NCOA3: variants seen among roughly 807,000 people sequenced by gnomAD.
The protein encoded by NCOA3 is CBP-interacting protein.
NCOA3 carries 51 observed loss-of-function variants against 158.8 expected under a neutral mutation model. The ratio of observed to expected loss-of-function variants is 0.32; its 90% CI spans 0.26 to 0.41. The LOEUF (loss-of-function observed/expected upper bound fraction) is 0.41, where lower values mean the gene tolerates loss of function less well. NCOA3 is among the 10% of genes least tolerant of loss of function. The pLI, the probability that NCOA3 is intolerant of heterozygous loss-of-function variation, is 1.00. For synonymous variants in NCOA3, 537 were observed against 592.4 expected, an observed-to-expected ratio of 0.91 and a Z score of 1.36; for missense variants, 1,510 against 1,746.6, an observed-to-expected ratio of 0.86 and a Z score of 2.41.
chr20:47,575,129 T>G (rs2085352436), intron 1 of NCOA3, among the ~76,000 whole-genome samples: 1 of 152,172 alleles, frequency 6.6e-6, no homozygotes, highest in Admixed American at 6.5e-5. Context: ...CTAGTTTGCC[T>G]GCAGCTGCAG....
intron 16 of NCOA3, among the ~76,000 whole-genome samples, chr20:47,640,813 G>A (rs1167340939): frequency 9.2e-5 from 14 of 151,844 alleles, no homozygotes; most frequent in Non-Finnish European, 2.1e-4. Flanking sequence ...GCGTGAACCC[G>A]GGTGGCGGAG....
At chr20:47,563,038 G>T (rs544893091) in intron 1 of NCOA3, among the ~76,000 whole-genome samples, 2 of 152,264 alleles carry the variant, frequency 1.3e-5, no homozygotes, top group Admixed American at 6.5e-5. Context: ...GAGCCAACAC[G>T]CCTGGCTAAA....
rs2083937323 is a variant in NCOA3, at chr20:47,501,895, C to G, written c.-223C>G. 2.5e-6 allele frequency: 1 copy of G among 399,004 alleles called. No individual in the cohort carries two copies. The highest frequency in any genetic ancestry group is 4.4e-5 in the Admixed American group (1 of 22,690). 24.7% of individuals were successfully genotyped at this position (399,004 alleles called of 1,614,324 possible). On this transcript the variant is annotated 5_prime_UTR_variant, in exon 1 of 23. Transcript: ENST00000371998. ...CCCCGTGCGGCGACTTTAGCTGCTGCTGTCTCAGCCGCTCCACAGCGACGG... is the reference window on the plus strand; with the variant it reads ...CCCCGTGCGGCGACTTTAGCTGCTGGTGTCTCAGCCGCTCCACAGCGACGG...
At position 47,653,643 on chromosome 20, in the gene NCOA3, C is replaced by T; in HGVS notation, c.*226C>T. 1 of 539,530 alleles carries T rather than the reference C, an allele frequency of 1.9e-6. No homozygotes were observed. The highest frequency in any genetic ancestry group is 3.3e-6 in the Non-Finnish European group (1 of 305,672). 33.4% of individuals were successfully genotyped at this position (539,530 alleles called of 1,614,324 possible). ...TCCTTCTGCTGTGTATCATGGTGTTCAAAACAGAAATGTTTTTTGGCATTC... is the reference window on the plus strand; with the variant it reads ...TCCTTCTGCTGTGTATCATGGTGTTTAAAACAGAAATGTTTTTTGGCATTC... On this transcript the variant is annotated 3_prime_UTR_variant, in exon 23 of 23. Transcript: ENST00000371998.
chr20:47,505,344 G>A (rs935094267), intron 1 of NCOA3, among the ~76,000 whole-genome samples: 14 of 152,036 alleles, frequency 9.2e-5, no homozygotes, highest in Admixed American at 2.6e-4. Flanking sequence ...ACAGGTGTGA[G>A]CCATCACGCC....
intron 1 of NCOA3, among the ~76,000 whole-genome samples, chr20:47,515,472 C>CTTTTTTTTTTTTTTT (rs111350575): frequency 9.2e-5 from 12 of 130,046 alleles, no homozygotes; most frequent in African/African-American, 1.4e-4. Flanking sequence ...TTCTTTCTTT[C>CTTTTTTTTTTTTTTT]TTTTTTTTTT....
chr20:47,511,404 T>C (rs2084125343), intron 1 of NCOA3, among the ~76,000 whole-genome samples: 1 of 124,422 alleles, frequency 8.0e-6, no homozygotes, highest in African/African-American at 2.8e-5. Flanking sequence ...TCCACCACCA[T>C]GCCTAATTTT....
chr20:47,511,550 T>TACACACACACACATACAC (rs1556556370), intron 1 of NCOA3, among the ~76,000 whole-genome samples: 1 of 52,270 alleles, frequency 1.9e-5, no homozygotes, highest in African/African-American at 5.4e-5. Context: ...TATATATATA[T>TACACACACACACATACAC]ATATATTTCT....
Position 47,544,079 on chromosome 20 carries a change from C to G in NCOA3, c.-98-39104C>G, listed in dbSNP as rs531424691. Among the ~76,000 whole-genome samples the G allele has an allele frequency of 2.4e-4, 36 of 152,186 alleles. No homozygotes were observed. In the South Asian group the frequency reaches 7.1e-3, roughly 30 times the overall value. On this transcript the variant is annotated intron_variant, in intron 1 of 22. Coordinates refer to ENST00000371998, the MANE Select transcript of NCOA3 (RefSeq NM_181659.3). ...TCCCCCAATTTAATAACTTGCATAG[C>G]CATGTTATAGTGATCAAAACTAAGG...
intron 1 of NCOA3, among the ~76,000 whole-genome samples, chr20:47,530,134 T>C (rs576579375): frequency 7.2e-5 from 11 of 152,246 alleles, no homozygotes; most frequent in Non-Finnish European, 1.0e-4. Flanking sequence ...ATTGTATGTT[T>C]GTTTCATCTC....
intron 1 of NCOA3, among the ~76,000 whole-genome samples, chr20:47,551,446 A>C (rs2084925799): frequency 1.3e-5 from 2 of 152,178 alleles, no homozygotes; most frequent in Admixed American, 6.5e-5. Flanking sequence ...CAACCAACTT[A>C]ATTTATGTCT....
At chr20:47,569,664 C>T (rs117191014) in intron 1 of NCOA3, among the ~76,000 whole-genome samples, 10,335 of 151,838 alleles carry the variant, frequency 0.068, 455 homozygotes, top group Non-Finnish European at 0.097. Flanking sequence ...GCCTGGGTGA[C>T]GGAGAGACCC....
chr20:47,541,766 T>G (rs2084742139), intron 1 of NCOA3, among the ~76,000 whole-genome samples: 1 of 151,838 alleles, frequency 6.6e-6, no homozygotes, highest in South Asian at 2.1e-4. Context: ...ACAACTGTCT[T>G]TCATAAAAAG....
intron 1 of NCOA3, among the ~76,000 whole-genome samples, chr20:47,571,059 C>T (rs8122883): frequency 0.066 from 9,730 of 147,442 alleles, 423 homozygotes; most frequent in Non-Finnish European, 0.095. Context: ...GGTTGGAGTG[C>T]GGTGGCATGA....
chr20:47,604,726 C>G (rs1013964251), intron 2 of NCOA3, among the ~76,000 whole-genome samples: 2 of 152,216 alleles, frequency 1.3e-5, no homozygotes, highest in African/African-American at 4.8e-5. Context: ...GCTTGAGCCA[C>G]TGTGCCTGGC....
intron 1 of NCOA3, among the ~76,000 whole-genome samples, chr20:47,571,352 C>T (rs1473405653): frequency 6.7e-6 from 1 of 149,054 alleles, no homozygotes; most frequent in Non-Finnish European, 1.5e-5. Flanking sequence ...GATTCTCGCT[C>T]TGTTGCCCAG....
intron 2 of NCOA3, among the ~76,000 whole-genome samples, chr20:47,614,063 T>C (rs982407999): frequency 4.1e-5 from 4 of 98,184 alleles, no homozygotes; most frequent in Non-Finnish European, 8.8e-5. Context: ...TTATAACAGT[T>C]CCACGTTATA....
intron 1 of NCOA3, among the ~76,000 whole-genome samples, chr20:47,555,730 C>T (rs1404041244): frequency 6.7e-6 from 1 of 150,262 alleles, no homozygotes; most frequent in Non-Finnish European, 1.5e-5. Context: ...GCTCCGCCTC[C>T]CAGGTTCATG....
chr20:47,522,148 G>A (rs555629973), intron 1 of NCOA3, among the ~76,000 whole-genome samples: 3 of 134,794 alleles, frequency 2.2e-5, no homozygotes, highest in African/African-American at 5.7e-5. Flanking sequence ...TGTCTCCTAG[G>A]CTGGAGTGCA....
Sources: gnomAD v4.1 joint callset for allele counts (sites outside exome capture counted in the v4.1 genomes callset) on GRCh38, gnomAD v4.1.1 for gene constraint, MANE v1.5 for transcripts, NCBI Gene and HGNC (gene_info 2026-07-23, HGNC 2026-07-21) for gene names.